RIN3: variants seen among roughly 807,000 people sequenced by gnomAD.
RIN3 encodes the protein Ras and Rab interactor 3.
In RIN3, 54 loss-of-function variants were observed where a neutral mutation model predicts 76.3. That is an observed-to-expected ratio of 0.71 (90% confidence interval 0.57 to 0.89). RIN3 has a LOEUF of 0.89. Among genes scored for constraint, RIN3 ranks in the 40% least tolerant of loss-of-function variants. The pLI is 0.00. For synonymous variants in RIN3, 576 were observed against 564.0 expected, an observed-to-expected ratio of 1.02 and a Z score of -0.30; for missense variants, 1,256 against 1,322.1, an observed-to-expected ratio of 0.95 and a Z score of 0.78.
intron 6 of RIN3, among the ~76,000 whole-genome samples, chr14:92,654,534 A>G (rs575004166): frequency 1.3e-5 from 2 of 152,340 alleles, no homozygotes; most frequent in Admixed American, 1.3e-4. Flanking sequence ...TGAACACAGT[A>G]GCTTCGTAGC....
chr14:92,522,484 G>T (rs1241441943), intron 1 of RIN3, among the ~76,000 whole-genome samples: 1 of 152,164 alleles, frequency 6.6e-6, no homozygotes, highest in Non-Finnish European at 1.5e-5. Flanking sequence ...TTCACTGAGT[G>T]TTACCTCTGG....
intron 3 of RIN3, among the ~76,000 whole-genome samples, chr14:92,590,430 C>G (rs138674024): frequency 6.6e-6 from 1 of 152,186 alleles, no homozygotes; most frequent in African/African-American, 2.4e-5. Flanking sequence ...CTGGTGAGAT[C>G]TGGCTGTTTA....
intron 1 of RIN3, among the ~76,000 whole-genome samples, chr14:92,546,972 A>G (rs955195992): frequency 1.4e-5 from 2 of 143,858 alleles, no homozygotes; most frequent in African/African-American, 2.5e-5. Context: ...GAAACTGTTT[A>G]TTTAAAATTA....
At chr14:92,629,910 C>G (rs1023281591) in intron 4 of RIN3, among the ~76,000 whole-genome samples, 3 of 152,258 alleles carry the variant, frequency 2.0e-5, no homozygotes, top group African/African-American at 7.2e-5. Flanking sequence ...AATTCTGATG[C>G]CTGTAGGCCC....
chr14:92,552,040 G>A (rs934249075), intron 1 of RIN3, among the ~76,000 whole-genome samples: 4 of 152,230 alleles, frequency 2.6e-5, no homozygotes, highest in African/African-American at 9.6e-5. Flanking sequence ...AGAAGTGCAT[G>A]TTCTGTTGGG....
At chr14:92,594,211 TC>T (rs1381106549) in intron 3 of RIN3, among the ~76,000 whole-genome samples, 1 of 152,134 alleles carries the variant, frequency 6.6e-6, no homozygotes. Context: ...GGCGGGCAGA[TC>T]ACCTGAGGTC....
intron 1 of RIN3, among the ~76,000 whole-genome samples, chr14:92,546,264 T>C (rs1326030675): frequency 1.3e-5 from 2 of 152,178 alleles, no homozygotes; most frequent in Non-Finnish European, 2.9e-5. Flanking sequence ...TAGGTGTACA[T>C]ATTTTGGGGG....
At chr14:92,661,470 A>G (rs1393202088) in intron 7 of RIN3, among the ~76,000 whole-genome samples, 2 of 152,008 alleles carry the variant, frequency 1.3e-5, no homozygotes, top group Non-Finnish European at 2.9e-5. Context: ...TCATGCCTGC[A>G]ATCCCAGCAC....
intron 7 of RIN3, among the ~76,000 whole-genome samples, chr14:92,665,294 A>G (rs1286766509): frequency 6.6e-6 from 1 of 151,366 alleles, no homozygotes; most frequent in East Asian, 1.9e-4. Flanking sequence ...TCATGGAACC[A>G]CCGTCATATA....
At chr14:92,520,818 C>A (rs1896578473) in intron 1 of RIN3, among the ~76,000 whole-genome samples, 1 of 152,200 alleles carries the variant, frequency 6.6e-6, no homozygotes, top group South Asian at 2.1e-4. Flanking sequence ...CACCGGGGAC[C>A]TTTTCCCCTA....
At chr14:92,675,436 C>T (rs1888426056) in intron 7 of RIN3, among the ~76,000 whole-genome samples, 1 of 152,224 alleles carries the variant, frequency 6.6e-6, no homozygotes, top group African/African-American at 2.4e-5. Context: ...GATTATTAAT[C>T]TCACCCAAAA....
intron 1 of RIN3, among the ~76,000 whole-genome samples, chr14:92,518,028 A>G (rs1213990505): frequency 6.6e-6 from 1 of 152,204 alleles, no homozygotes; most frequent in East Asian, 1.9e-4. Flanking sequence ...TCCAACGTGC[A>G]GAGCTTGTCT....
chr14:92,661,756 C>CAAA (rs1195736886), intron 7 of RIN3, among the ~76,000 whole-genome samples: 77 of 118,792 alleles, frequency 6.5e-4, no homozygotes, highest in Non-Finnish European at 1.2e-3. Context: ...CACACACACA[C>CAAA]ACAAAAAATA....
intron 5 of RIN3, chr14:92,644,565 C>A (rs1887130484): frequency 6.6e-6 from 1 of 152,284 alleles, no homozygotes; most frequent in South Asian, 2.1e-4. Flanking sequence ...TCAGATTCAT[C>A]TATCAGCACT....
chr14:92,576,216 C>A (rs1898222653), intron 2 of RIN3: 1 of 1,261,754 alleles, frequency 7.9e-7, no homozygotes, highest in East Asian at 5.6e-5. Context: ...TTGCTGAGAC[C>A]TGCCAAGACT....
At chr14:92,630,554 G>A (rs1242358370) in intron 4 of RIN3, among the ~76,000 whole-genome samples, 1 of 152,174 alleles carries the variant, frequency 6.6e-6, no homozygotes, top group African/African-American at 2.4e-5. Context: ...CCATGAATTG[G>A]GCCATAGGGG....
At chr14:92,660,384 G>A (rs1887839089) in intron 7 of RIN3, among the ~76,000 whole-genome samples, 1 of 152,164 alleles carries the variant, frequency 6.6e-6, no homozygotes, top group Non-Finnish European at 1.5e-5. Flanking sequence ...GTGGTTGGTT[G>A]GCTGTTGGCT....
intron 9 of RIN3, chr14:92,687,668 G>A (rs117134236): frequency 0.028 from 14,064 of 496,810 alleles, 258 homozygotes; most frequent in Non-Finnish European, 0.035. Flanking sequence ...CAGGGGACGC[G>A]CCGGCTCCTC....
chr14:92,636,664 G>T (rs1358695533), intron 4 of RIN3, among the ~76,000 whole-genome samples: 1 of 152,212 alleles, frequency 6.6e-6, no homozygotes, highest in Non-Finnish European at 1.5e-5. Flanking sequence ...TACATGTATG[G>T]ACTTGCTCAC....
Sources: gnomAD v4.1 joint callset for allele counts (sites outside exome capture counted in the v4.1 genomes callset) on GRCh38, gnomAD v4.1.1 for gene constraint, MANE v1.5 for transcripts, NCBI Gene and HGNC (gene_info 2026-07-23, HGNC 2026-07-21) for gene names.